Variants in PPP3CA observed in about 807,000 individuals in gnomAD.
The protein encoded by PPP3CA is protein phosphatase 3 catalytic subunit alpha.
Under a neutral mutation model 66.5 loss-of-function variants are expected in PPP3CA, and 14 were observed. That is an observed-to-expected ratio of 0.21 (90% CI 0.14 to 0.33). The LOEUF (loss-of-function observed/expected upper bound fraction) is 0.33. Ranked by LOEUF, PPP3CA falls within the 10% of genes least tolerant of loss-of-function variation. The pLI is 1.00. For synonymous variants in PPP3CA, 232 were observed against 226.2 expected, an observed-to-expected ratio of 1.03 and a Z score of -0.23; for missense variants, 317 against 639.5, an observed-to-expected ratio of 0.50 and a Z score of 5.44.
intron 1 of PPP3CA, among the ~76,000 whole-genome samples, chr4:101,310,917 G>T (rs1253837032): frequency 1.3e-5 from 2 of 152,194 alleles, no homozygotes; most frequent in African/African-American, 4.8e-5. Context: ...TCATCCTAAA[G>T]AGTACAAAAT....
At chr4:101,099,837 C>T (rs1730362479) in intron 3 of PPP3CA, 115 bp from the exon 4 acceptor site, 1 of 474,140 alleles carries the variant, frequency 2.1e-6, no homozygotes, top group African/African-American at 2.1e-5. Context: ...CAAAAGTCCC[C>T]CAAAAGGCTG....
intron 2 of PPP3CA, among the ~76,000 whole-genome samples, chr4:101,184,035 G>GA (rs1464268176): frequency 2.6e-5 from 4 of 152,050 alleles, no homozygotes; most frequent in African/African-American, 7.2e-5. Flanking sequence ...AGCTAGGTCA[G>GA]AAAAAAGAGA....
chr4:101,299,532 T>C (rs944943315), intron 1 of PPP3CA, among the ~76,000 whole-genome samples: 3 of 152,078 alleles, frequency 2.0e-5, no homozygotes, highest in Admixed American at 6.5e-5. Context: ...TATAATCATA[T>C]GGGACCCTGT....
intron 1 of PPP3CA, among the ~76,000 whole-genome samples, chr4:101,207,056 T>A (rs1725152605): frequency 6.6e-6 from 1 of 151,934 alleles, no homozygotes; most frequent in Non-Finnish European, 1.5e-5. Flanking sequence ...GAAAAAAAAA[T>A]TGCAAACATT....
At chr4:101,128,362 T>C (rs1424985748) in intron 2 of PPP3CA, among the ~76,000 whole-genome samples, 7 of 152,152 alleles carry the variant, frequency 4.6e-5, no homozygotes, top group African/African-American at 1.2e-4. Flanking sequence ...ATTATATGTA[T>C]TGAAACATCA....
At chr4:101,322,829 T>C (rs1270442412) in intron 1 of PPP3CA, among the ~76,000 whole-genome samples, 4 of 152,070 alleles carry the variant, frequency 2.6e-5, no homozygotes, top group Non-Finnish European at 5.9e-5. Context: ...CTGAATGAAC[T>C]AAGACAACTG....
chr4:101,284,647 C>T lies in PPP3CA; in HGVS notation c.58+62092G>A, dbSNP rs190928156. Reference sequence around the variant, plus strand: ...TACTACACCAACTCCTTCCTACTCCCCACCCCCATGTCTTTTTTTTTTCCC... The same window carrying T: ...TACTACACCAACTCCTTCCTACTCCTCACCCCCATGTCTTTTTTTTTTCCC... On this transcript the variant is annotated intron_variant, in intron 1 of 13. Coordinates refer to ENST00000394854, the MANE Select transcript of PPP3CA (RefSeq NM_000944.5). Among the ~76,000 whole-genome samples the T allele has an allele frequency of 8.2e-4, 124 of 152,130 alleles. 1 individual carries two copies. Among genetic ancestry groups the T allele is most frequent in the African/African-American group, 2.8e-3 (115 of 41,534 alleles).
At chr4:101,074,818 T>G (rs78864791) in intron 8 of PPP3CA, among the ~76,000 whole-genome samples, 362 of 152,350 alleles carry the variant, frequency 2.4e-3, no homozygotes, top group South Asian at 0.019. Context: ...TCAAAAAGGA[T>G]AGACTTTTGC....
intron 2 of PPP3CA, among the ~76,000 whole-genome samples, chr4:101,138,932 A>G (rs1722709193): frequency 6.6e-6 from 1 of 152,234 alleles, no homozygotes; most frequent in Non-Finnish European, 1.5e-5. Flanking sequence ...TAATGTCAAA[A>G]TATTATGAAA....
Position 101,080,554 on chromosome 4 carries a change from G to A in PPP3CA, c.933C>T (p.Tyr311=), listed in dbSNP as rs1018834224. The A allele has an allele frequency of 1.5e-5, 23 of 1,523,788 alleles. No individual in the cohort carries two copies. Among genetic ancestry groups the A allele is most frequent in the African/African-American group, 4.1e-5 (3 of 74,040 alleles). 94.4% of individuals were successfully genotyped at this position (1,523,788 alleles called of 1,614,324 possible). A position where few individuals can be genotyped will look rare whatever the true frequency, so the allele number is the denominator to read the frequency against. ...TACCTTTGTTATTGTATACATCTAA[G>A]TAATTTGGTGCTGAAAAAATTGTAA... The part of the protein sequence containing the change: ...SLITIFSAPN[Y]LDVYNNKAAV... Residue 311 remains tyrosine (Y), a synonymous_variant, in exon 8 of 14, where the codon TAC becomes TAT. Transcript: ENST00000394854.
intron 1 of PPP3CA, among the ~76,000 whole-genome samples, chr4:101,322,407 T>TC (rs1292876021): frequency 6.8e-6 from 1 of 147,410 alleles, no homozygotes; most frequent in East Asian, 2.0e-4. Context: ...TCTACTGACA[T>TC]CTTTTTTTTT....
At chr4:101,026,127 T>C (rs1726637521) in intron 13 of PPP3CA, 66 bp from the exon 14 acceptor site, 1 of 1,350,062 alleles carries the variant, frequency 7.4e-7, no homozygotes, top group South Asian at 1.4e-5. Context: ...GGCACAGCTG[T>C]TGCAGCAGGT....
At chr4:101,116,409 T>G (rs1721839120) in intron 2 of PPP3CA, among the ~76,000 whole-genome samples, 1 of 151,974 alleles carries the variant, frequency 6.6e-6, no homozygotes, top group South Asian at 2.1e-4. Flanking sequence ...ATTTGGTTTT[T>G]GGATATTCTA....
At position 101,075,168 on chromosome 4, in the gene PPP3CA, T is replaced by C. The variant is rs553487985; in HGVS notation, c.955+5364A>G. Among the ~76,000 whole-genome samples, 6 of 152,318 alleles carry C rather than the reference T, an allele frequency of 3.9e-5. 1 individual carries two copies. The highest frequency in any genetic ancestry group is 1.2e-4 in the African/African-American group (5 of 41,566). ...CCTTGACAGGTGGGGATTATTACAA[T>C]TCAAGGTGAAATCTGGGTGGGGACA... is the stretch of plus-strand genomic sequence containing the variant. On this transcript the variant is annotated intron_variant, in intron 8 of 13. Transcript: ENST00000394854.
chr4:101,148,995 A>C (rs1011010736), intron 2 of PPP3CA, among the ~76,000 whole-genome samples: 2 of 152,146 alleles, frequency 1.3e-5, no homozygotes, highest in African/African-American at 4.8e-5. Context: ...AATAAAGATA[A>C]TTTTTTAAAA....
intron 10 of PPP3CA, among the ~76,000 whole-genome samples, chr4:101,042,193 T>TG (rs1727554883): frequency 6.7e-6 from 1 of 149,652 alleles, no homozygotes; most frequent in Non-Finnish European, 1.5e-5. Context: ...TTTTTTTTTT[T>TG]GCCCTCCACT....
intron 1 of PPP3CA, among the ~76,000 whole-genome samples, chr4:101,273,553 C>T (rs1449810725): frequency 6.6e-6 from 1 of 152,154 alleles, no homozygotes; most frequent in Non-Finnish European, 1.5e-5. Flanking sequence ...TCTCGAACTC[C>T]TGACCTTGTG....
At chr4:101,212,809 C>A (rs891308121) in intron 1 of PPP3CA, among the ~76,000 whole-genome samples, 1 of 151,650 alleles carries the variant, frequency 6.6e-6, no homozygotes, top group African/African-American at 2.4e-5. Flanking sequence ...CAGTATTTCC[C>A]AACTATAATT....
At chr4:101,237,365 T>A (rs866312298) in intron 1 of PPP3CA, among the ~76,000 whole-genome samples, 1 of 151,858 alleles carries the variant, frequency 6.6e-6, no homozygotes, top group African/African-American at 2.4e-5. Context: ...CAGGGAGTGG[T>A]GAGTTGAGTA....
Sources: gnomAD v4.1 joint callset for allele counts (sites outside exome capture counted in the v4.1 genomes callset) on GRCh38, gnomAD v4.1.1 for gene constraint, MANE v1.5 for transcripts, NCBI Gene and HGNC (gene_info 2026-07-23, HGNC 2026-07-21) for gene names.